CEP78: variants seen among roughly 807,000 people sequenced by gnomAD.
CEP78 encodes centrosomal protein 78.
A neutral mutation model predicts 81.2 loss-of-function variants in CEP78; 76 were observed. That is an observed-to-expected ratio of 0.94 (90% confidence interval 0.78 to 1.13). CEP78 has a LOEUF of 1.13. Ranked by LOEUF, CEP78 falls within the 50% of genes most tolerant of loss-of-function variation. The pLI is 0.00. For missense variants in CEP78, 918 were observed against 846.8 expected, an observed-to-expected ratio of 1.08 and a Z score of -1.04; for synonymous variants, 293 against 301.4, an observed-to-expected ratio of 0.97 and a Z score of 0.29.
Position 78,252,013 on chromosome 9 carries a change from G to A in CEP78, c.1175G>A (p.Trp392Ter). The change falls in exon 9 of 17, where the codon TGG becomes TAG. Residue 392 changes from tryptophan to a stop codon, truncating the protein, a stop_gained. Coordinates refer to ENST00000643273, the MANE Select transcript of CEP78 (RefSeq NM_001330691.3). LOFTEE classifies it high-confidence loss of function. ...LPPGVSGFLP[W>*]RTAERAKRHR... ...CCTGGTGTGTCTGGTTTCTTGCCGT[G>A]GCGTACTGCAGAACGTGCAAAAAGA... The A allele has an allele frequency of 6.2e-7, 1 of 1,600,712 alleles. No individual in the cohort carries two copies. The highest frequency in any genetic ancestry group is 8.5e-7 in the Non-Finnish European group (1 of 1,170,502).
At chr9:78,267,950 A>G in intron 16 of CEP78, among the ~76,000 whole-genome samples, 1 of 152,118 alleles carries the variant, frequency 6.6e-6, no homozygotes, top group Non-Finnish European at 1.5e-5. Flanking sequence ...CTACTACAAT[A>G]CTACTGAGTT....
intron 14 of CEP78, 122 bp from the exon 15 acceptor site, chr9:78,265,736 AG>A: frequency 1.3e-6 from 1 of 752,602 alleles, no homozygotes; most frequent in Non-Finnish European, 2.2e-6. Flanking sequence ...ATAAAAAATA[AG>A]AAAGTTCTTT....
At chr9:78,254,752 TC>T (rs1183940667) in intron 10 of CEP78, 83 bp from the exon 11 acceptor site, 2 of 1,121,814 alleles carry the variant, frequency 1.8e-6, no homozygotes, top group African/African-American at 3.1e-5. Flanking sequence ...ACTTAACACT[TC>T]AGAAAGATCA....
intron 11 of CEP78, among the ~76,000 whole-genome samples, chr9:78,255,962 A>G (rs993084545): frequency 1.3e-5 from 2 of 152,218 alleles, no homozygotes; most frequent in African/African-American, 4.8e-5. Context: ...CAACTTGGGA[A>G]TTTCTGATTC....
At position 78,262,893 on chromosome 9, in the gene CEP78, T is replaced by C; in HGVS notation, c.1381-14T>C. 1 of 1,426,092 alleles carries C rather than the reference T, an allele frequency of 7.0e-7. No individual in the cohort carries two copies. The highest frequency in any genetic ancestry group is 2.2e-5 in the Admixed American group (1 of 45,630). The allele number at this position is 1,426,092 out of a possible 1,614,324, so 88.3% of individuals were successfully genotyped here. On this transcript the variant is annotated splice_polypyrimidine_tract_variant and intron_variant, in intron 11 of 16. Transcript: ENST00000643273. The stretch of plus-strand genomic sequence containing the variant: ...GGAATTAATTATAATATTTACTTTA[T>C]TACTTAATACTAGGAAAAACTGGAG...
intron 16 of CEP78, among the ~76,000 whole-genome samples, chr9:78,267,865 T>C (rs1056840866): frequency 1.3e-5 from 2 of 151,974 alleles, no homozygotes; most frequent in African/African-American, 4.8e-5. Flanking sequence ...GACTATGACT[T>C]GAGAGATGAG....
Position 78,246,691 on chromosome 9 carries a change from C to G in CEP78, c.801C>G (p.Gly267=). The change falls in exon 6 of 17, where the codon GGC becomes GGG. Residue 267 remains glycine, a synonymous_variant. Transcript: ENST00000643273. Reference sequence around the variant, plus strand: ...AAGCTCTTGACCTGCAACAGTGCGGCCTCACCAATGAAGGAGCAAAGGCTT... The same window carrying G: ...AAGCTCTTGACCTGCAACAGTGCGGGCTCACCAATGAAGGAGCAAAGGCTT... ...WLRALDLQQC[G]LTNEGAKALL... The G allele has an allele frequency of 1.2e-6, 2 of 1,609,522 alleles. No individual in the cohort carries two copies. The highest frequency in any genetic ancestry group is 8.5e-7 in the Non-Finnish European group (1 of 1,177,756).
chr9:78,265,250 A>G, intron 13 of CEP78, 122 bp from the exon 14 acceptor site: 1 of 744,756 alleles, frequency 1.3e-6, no homozygotes, highest in Non-Finnish European at 2.1e-6. Context: ...TGTAGTCTGG[A>G]GTAGGATAAT....
chr9:78,249,452 C>A (rs1688704498), intron 8 of CEP78: 1 of 152,080 alleles, frequency 6.6e-6, no homozygotes, highest in Non-Finnish European at 1.5e-5. Context: ...ACATTTTAGA[C>A]AAACATTCCC....
chr9:78,256,521 C>CTTT (rs1354207434), intron 11 of CEP78, among the ~76,000 whole-genome samples: 2 of 144,782 alleles, frequency 1.4e-5, no homozygotes, highest in Admixed American at 7.1e-5. Flanking sequence ...CCTCTGCTCC[C>CTTT]TTATTTTTTT....
At chr9:78,243,686 A>G in intron 5 of CEP78, 50 bp downstream of exon 5, 1 of 1,476,122 alleles carries the variant, frequency 6.8e-7, no homozygotes. Context: ...TTTTGATATT[A>G]AATATGCTTA....
intron 4 of CEP78, among the ~76,000 whole-genome samples, chr9:78,243,155 A>G (rs1826311131): frequency 6.6e-6 from 1 of 152,208 alleles, no homozygotes; most frequent in South Asian, 2.1e-4. Flanking sequence ...TAGAACCAGT[A>G]CCTTCACTTG....
At chr9:78,264,845 GTAGATA>G (rs1363659292) in intron 13 of CEP78, among the ~76,000 whole-genome samples, 17 of 152,228 alleles carry the variant, frequency 1.1e-4, no homozygotes, top group African/African-American at 2.2e-4. Flanking sequence ...AATCTGCAGG[GTAGATA>G]TAGATATAGA....
At chr9:78,256,534 T>A (rs12348994) in intron 11 of CEP78, among the ~76,000 whole-genome samples, 1,841 of 141,230 alleles carry the variant, frequency 0.013, 44 homozygotes, top group African/African-American at 0.045. Flanking sequence ...ATTTTTTTTT[T>A]TTTTTTTTTT....
intron 8 of CEP78, chr9:78,250,379 A>G (rs979204677): frequency 7.6e-6 from 3 of 395,870 alleles, no homozygotes; most frequent in African/African-American, 6.2e-5. Flanking sequence ...GTGCAGACAG[A>G]AGATAGGAAA....
chr9:78,239,580 G>A (rs1453006707), intron 1 of CEP78, among the ~76,000 whole-genome samples: 1 of 152,160 alleles, frequency 6.6e-6, no homozygotes, highest in Non-Finnish European at 1.5e-5. Context: ...CTCATCACCT[G>A]TGAGGTAAAA....
intron 16 of CEP78, chr9:78,267,096 G>T: frequency 5.7e-6 from 6 of 1,054,446 alleles, no homozygotes; most frequent in Non-Finnish European, 7.7e-6. Context: ...TAAAATATAG[G>T]ATTGGAAGCC....
intron 11 of CEP78, among the ~76,000 whole-genome samples, chr9:78,257,361 G>T (rs114467346): frequency 0.024 from 3,634 of 152,236 alleles, 141 homozygotes; most frequent in African/African-American, 0.082. Context: ...CAATCTAAGT[G>T]GGGGCTGAAT....
chr9:78,268,501 A>G (rs1247816859), intron 16 of CEP78, among the ~76,000 whole-genome samples: 1 of 152,156 alleles, frequency 6.6e-6, no homozygotes, highest in Non-Finnish European at 1.5e-5. Flanking sequence ...ATTTTAGATC[A>G]TTAGCTTTAG....
Sources: gnomAD v4.1 joint callset for allele counts (sites outside exome capture counted in the v4.1 genomes callset) on GRCh38, gnomAD v4.1.1 for gene constraint, MANE v1.5 for transcripts, NCBI Gene and HGNC (gene_info 2026-07-23, HGNC 2026-07-21) for gene names.